RPUSD4: variants seen among roughly 807,000 people sequenced by gnomAD.
RPUSD4 encodes the protein pseudouridylate synthase RPUSD4, mitochondrial.
A neutral mutation model predicts 35.4 loss-of-function variants in RPUSD4; 37 were observed. The observed-to-expected ratio is 1.04, with a 90% CI of 0.80 to 1.37. The LOEUF is 1.37. RPUSD4 is among the 40% of genes most tolerant of loss of function. The pLI, the probability that RPUSD4 is intolerant of heterozygous loss-of-function variation, is 0.00. For missense variants in RPUSD4, 507 were observed against 484.9 expected (o/e 1.05, Z -0.43); for synonymous variants, 210 against 192.7 (o/e 1.09, Z -0.74).
intron 3 of RPUSD4, 102 bp downstream of exon 3, chr11:126,209,419 G>A (rs1290919296): frequency 3.2e-6 from 3 of 947,894 alleles, no homozygotes; most frequent in Non-Finnish European, 4.9e-6. Flanking sequence ...AGGTCATAGT[G>A]CAGTGCCTTC....
chr11:126,207,751 A>G (rs1451853343), intron 3 of RPUSD4, among the ~76,000 whole-genome samples: 1 of 152,090 alleles, frequency 6.6e-6, no homozygotes, highest in Non-Finnish European at 1.5e-5. Flanking sequence ...CTGAAACATG[A>G]GAACCACTTG....
intron 1 of RPUSD4, 193 bp from the exon 2 acceptor site, chr11:126,211,248 C>T (rs918750091): frequency 1.1e-6 from 1 of 898,710 alleles, no homozygotes; most frequent in Non-Finnish European, 1.7e-6. Flanking sequence ...TAGGACTGAG[C>T]CTGACAGTAG....
Position 126,211,453 on chromosome 11 carries a change from C to T in RPUSD4, c.186G>A (p.Glu62=), listed in dbSNP as rs1384123286. 2 of 1,611,912 alleles carry T rather than the reference C, an allele frequency of 1.2e-6. No individual in the cohort carries two copies. Among genetic ancestry groups the T allele is most frequent in the East Asian group, 4.5e-5 (2 of 44,856 alleles). The change falls in exon 1 of 7, where the codon GAG becomes GAA. Residue 62 remains glutamate, a synonymous_variant. Transcript: ENST00000298317. ...AQKREQDTKK[E]PVSTNAVQRR... ...GTTCTGGTCCCTTTGGACTCACCGG[C>T]TCCTTCTTTGTGTCTTGTTCCCGTT... is the stretch of plus-strand genomic sequence containing the variant.
chr11:126,204,367 A>G (rs766190453), intron 5 of RPUSD4, 39 bp from the exon 6 acceptor site: 5 of 1,485,582 alleles, frequency 3.4e-6, no homozygotes, highest in African/African-American at 1.4e-5. Context: ...AAAACTCGTG[A>G]GGAGCTACAG....
chr11:126,203,780 G>A (rs1949740051), intron 6 of RPUSD4, 123 bp from the exon 7 acceptor site: 2 of 1,258,246 alleles, frequency 1.6e-6, no homozygotes, highest in African/African-American at 3.0e-5. Context: ...ACACAGTAAT[G>A]GAGAGTCTGC....
chr11:126,204,520 G>A (rs558711710), intron 5 of RPUSD4, among the ~76,000 whole-genome samples, 192 bp from the exon 6 acceptor site: 5 of 152,174 alleles, frequency 3.3e-5, no homozygotes, highest in Admixed American at 1.3e-4. Context: ...GGAAGTAAAC[G>A]CCGTAAATAC....
At chr11:126,204,922 T>C (rs184725173) in intron 5 of RPUSD4, among the ~76,000 whole-genome samples, 28 of 152,356 alleles carry the variant, frequency 1.8e-4, no homozygotes, top group Admixed American at 1.7e-3. Context: ...CTCTTCTAGG[T>C]ACCTCACATG....
At chr11:126,205,397 G>T in intron 5 of RPUSD4, 71 bp downstream of exon 5, 1 of 1,589,094 alleles carries the variant, frequency 6.3e-7, no homozygotes, top group Middle Eastern at 1.7e-4. Context: ...TAGCTGCTCA[G>T]AACGAGGCCC....
chr11:126,208,353 A>T (rs1394180765), intron 3 of RPUSD4, among the ~76,000 whole-genome samples: 1 of 152,228 alleles, frequency 6.6e-6, no homozygotes, highest in Non-Finnish European at 1.5e-5. Flanking sequence ...ATGCTCTAAG[A>T]TATATGATCC....
chr11:126,202,942 G>A lies in RPUSD4; in HGVS notation c.*476C>T, dbSNP rs1949728184. The stretch of plus-strand genomic sequence containing the variant: ...AGGTTCCCTAATCAGAGTTCAGTAG[G>A]GCACCCACACTATAGCTGGGCAATC... On this transcript the variant is annotated 3_prime_UTR_variant, in exon 7 of 7. Transcript: ENST00000298317. 1 of 167,272 alleles carries A rather than the reference G, an allele frequency of 6.0e-6. No individual in the cohort carries two copies. The highest frequency in any genetic ancestry group is 2.4e-5 in the African/African-American group (1 of 41,868). The allele number at this position is 167,272 out of a possible 1,614,324, so 10.4% of individuals were successfully genotyped here. A position where few individuals can be genotyped will look rare whatever the true frequency, so the allele number is the denominator to read the frequency against.
chr11:126,211,184 C>T, intron 1 of RPUSD4, 129 bp from the exon 2 acceptor site: 1 of 1,159,764 alleles, frequency 8.6e-7, no homozygotes. Flanking sequence ...CCGCCTTCGA[C>T]TAATTTGAGA....
At chr11:126,210,677 G>A (rs945757300) in intron 2 of RPUSD4, among the ~76,000 whole-genome samples, 1 of 151,402 alleles carries the variant, frequency 6.6e-6, no homozygotes, top group South Asian at 2.1e-4. Context: ...CGTATTCTAC[G>A]AATTGCTTAC....
At chr11:126,205,353 A>C in intron 5 of RPUSD4, 115 bp downstream of exon 5, 1 of 1,319,690 alleles carries the variant, frequency 7.6e-7, no homozygotes, top group Non-Finnish European at 1.1e-6. Context: ...GATCAGCACC[A>C]GAAGCACATT....
intron 1 of RPUSD4, 99 bp from the exon 2 acceptor site, chr11:126,211,154 A>G (rs762349448): frequency 1.1e-4 from 146 of 1,389,344 alleles, no homozygotes; most frequent in Middle Eastern, 2.6e-4. Context: ...GGGAATGACT[A>G]TCTTTGCATC....
intron 3 of RPUSD4, chr11:126,208,743 T>TCTGCGTATGCCGGACACGCGTATA (rs1565318084): frequency 6.6e-6 from 1 of 152,244 alleles, no homozygotes; most frequent in Non-Finnish European, 1.5e-5. Flanking sequence ...ACACGCATAT[T>TCTGCGTATGCCGGACACGCGTATA]CTGCGTATGC....
intron 3 of RPUSD4, among the ~76,000 whole-genome samples, chr11:126,208,290 C>A (rs954644656): frequency 6.6e-6 from 1 of 152,294 alleles, no homozygotes; most frequent in East Asian, 1.9e-4. Flanking sequence ...ATCCATACAG[C>A]GGTATTTCAC....
intron 5 of RPUSD4, 80 bp downstream of exon 5, chr11:126,205,388 A>G (rs1949760596): frequency 6.4e-7 from 1 of 1,554,056 alleles, no homozygotes; most frequent in Non-Finnish European, 8.8e-7. Context: ...CCACACTACT[A>G]GCTGCTCAGA....
chr11:126,211,442 G>C lies in RPUSD4; in HGVS notation c.189+8C>G. 7 of 1,609,402 alleles carry C rather than the reference G, an allele frequency of 4.3e-6. No individual in the cohort carries two copies. The highest frequency in any genetic ancestry group is 5.9e-6 in the Non-Finnish European group (7 of 1,177,512). On this transcript the variant is annotated splice_region_variant and intron_variant, in intron 1 of 6. Coordinates refer to ENST00000298317, the MANE Select transcript of RPUSD4 (RefSeq NM_032795.3). Reference sequence around the variant, plus strand: ...GCCTCTAGGGAGTTCTGGTCCCTTTGGACTCACCGGCTCCTTCTTTGTGTC... The same window carrying C: ...GCCTCTAGGGAGTTCTGGTCCCTTTCGACTCACCGGCTCCTTCTTTGTGTC...
In RPUSD4 at chr11:126,203,381, C is replaced by T; in HGVS notation, c.*37G>A. ...GGTGCCAGGATGCTCTCAGGGTCTT[C>T]ACTGTGCTCCCAGGTGCCAGGGTGC... On this transcript the variant is annotated 3_prime_UTR_variant, in exon 7 of 7. Transcript: ENST00000298317. 1.3e-6 allele frequency: 2 copies of T among 1,598,036 alleles called. No individual in the cohort carries two copies. The highest frequency in any genetic ancestry group is 1.7e-6 in the Non-Finnish European group (2 of 1,176,992).
Sources: allele counts gnomAD v4.1 joint callset (sites outside exome capture counted in the v4.1 genomes callset), GRCh38; gene constraint gnomAD v4.1.1; transcripts MANE v1.5; gene names NCBI Gene and HGNC (gene_info 2026-07-23, HGNC 2026-07-21).